Variants in UBR3 observed in about 807,000 individuals in gnomAD.
UBR3 encodes E3 ubiquitin-protein ligase UBR3.
UBR3 carries 85 observed loss-of-function variants against 243.2 expected under a neutral mutation model. That is an observed-to-expected ratio of 0.35 (90% CI 0.29 to 0.42). The LOEUF is 0.42. Ranked by LOEUF, UBR3 falls within the 10% of genes least tolerant of loss-of-function variation. UBR3 has a pLI of 1.00. For missense variants in UBR3, 1,686 were observed against 2,300.8 expected (o/e 0.73, Z 5.47); for synonymous variants, 748 against 799.8 (o/e 0.94, Z 1.09).
intron 36 of UBR3, among the ~76,000 whole-genome samples, chr2:170,076,303 C>G (rs1252458713): frequency 6.6e-6 from 1 of 152,120 alleles, no homozygotes; most frequent in Non-Finnish European, 1.5e-5. Context: ...AACTAGTGGC[C>G]CACTACTTTC....
At chr2:170,054,125 T>C (rs1408091684) in intron 32 of UBR3, among the ~76,000 whole-genome samples, 1 of 152,122 alleles carries the variant, frequency 6.6e-6, no homozygotes, top group Non-Finnish European at 1.5e-5. Flanking sequence ...AAGTTTTTTA[T>C]TTTTATTTTT....
At chr2:169,841,760 T>C (rs947496357) in intron 1 of UBR3, among the ~76,000 whole-genome samples, 1 of 152,234 alleles carries the variant, frequency 6.6e-6, no homozygotes, top group African/African-American at 2.4e-5. Flanking sequence ...GGGCCTTGGC[T>C]GCCTTCCCGC....
At chr2:169,942,305 C>T (rs2086624794) in intron 19 of UBR3, among the ~76,000 whole-genome samples, 188 bp from the exon 20 acceptor site, 2 of 151,984 alleles carry the variant, frequency 1.3e-5, no homozygotes, top group African/African-American at 4.8e-5. Flanking sequence ...TCATCTTTAG[C>T]CATTAGGAAA....
intron 8 of UBR3, 83 bp downstream of exon 8, chr2:169,896,818 A>C (rs2084610033): frequency 1.1e-6 from 1 of 907,302 alleles, no homozygotes; most frequent in Non-Finnish European, 1.6e-6. Flanking sequence ...ATACTTAGTA[A>C]TATTACTAAT....
chr2:169,954,353 G>A (rs939776420), intron 23 of UBR3, among the ~76,000 whole-genome samples: 2 of 151,836 alleles, frequency 1.3e-5, no homozygotes, highest in Admixed American at 6.6e-5. Context: ...TGATTCTCCC[G>A]CCTCAGCCTC....
chr2:170,007,084 C>T lies in UBR3; in HGVS notation c.4124C>T (p.Pro1375Leu), dbSNP rs746859738. Residue 1375 changes from proline (P) to leucine (L), a missense_variant, in exon 28 of 39, where the codon CCT becomes CTT. Physicochemically the swap from Pro to Leu is moderately conservative, Grantham distance 98. This residue lies in a region of UBR3 where 156 missense variants were observed against 246.3 expected (regional missense o/e 0.63). Transcript: ENST00000272793. ...QFANSVLPCY[P>L]GSNVENNPWQ... is the part of the protein sequence containing the mutation. ...GCTAACAGTGTTCTTCCATGTTATCCTGGAAGCAATGTGGAAAATAACCCT... is the reference window on the plus strand; with the variant it reads ...GCTAACAGTGTTCTTCCATGTTATCTTGGAAGCAATGTGGAAAATAACCCT... The T allele has an allele frequency of 3.1e-6, 5 of 1,613,484 alleles. No individual in the cohort carries two copies. Among genetic ancestry groups the T allele is most frequent in the Non-Finnish European group, 4.2e-6 (5 of 1,179,918 alleles).
intron 18 of UBR3, among the ~76,000 whole-genome samples, chr2:169,932,114 G>T (rs1208098054): frequency 1.3e-5 from 2 of 149,642 alleles, no homozygotes; most frequent in Non-Finnish European, 3.0e-5. Context: ...GTCTCACTCT[G>T]TTGCCCAGGC....
intron 11 of UBR3, among the ~76,000 whole-genome samples, chr2:169,921,293 T>C (rs2085687274): frequency 6.6e-6 from 1 of 152,124 alleles, no homozygotes. Flanking sequence ...GAGTGAGATT[T>C]CCACTGAGAT....
intron 1 of UBR3, among the ~76,000 whole-genome samples, chr2:169,833,038 C>G (rs1329603910): frequency 6.6e-6 from 1 of 152,146 alleles, no homozygotes; most frequent in Non-Finnish European, 1.5e-5. Flanking sequence ...ACATAGGAGA[C>G]TGGTTCCAGA....
chr2:169,942,712 TA>T (rs1485112043), intron 20 of UBR3, 78 bp downstream of exon 20: 1 of 1,320,738 alleles, frequency 7.6e-7, no homozygotes, highest in Non-Finnish European at 9.8e-7. Flanking sequence ...AATATTTACA[TA>T]AAAGTACCAC....
chr2:169,932,005 A>C (rs1435473831), intron 18 of UBR3, among the ~76,000 whole-genome samples: 3 of 152,156 alleles, frequency 2.0e-5, no homozygotes, highest in Non-Finnish European at 4.4e-5. Context: ...AGTTTTAGCA[A>C]AGGAGCAGAA....
intron 33 of UBR3, among the ~76,000 whole-genome samples, chr2:170,059,386 CT>C (rs2091409633): frequency 6.6e-6 from 1 of 152,070 alleles, no homozygotes; most frequent in Admixed American, 6.6e-5. Context: ...ATTTAGGAAG[CT>C]TTTAGACTGA....
At chr2:169,927,489 A>G (rs2085951659) in intron 17 of UBR3, 84 bp downstream of exon 17, 1 of 1,116,740 alleles carries the variant, frequency 9.0e-7, no homozygotes, top group Non-Finnish European at 1.2e-6. Context: ...CAATTTTTTG[A>G]TTAATTTTTT....
At chr2:170,057,565 C>A (rs2091361622) in intron 33 of UBR3, among the ~76,000 whole-genome samples, 1 of 152,118 alleles carries the variant, frequency 6.6e-6, no homozygotes, top group South Asian at 2.1e-4. Flanking sequence ...GCTGTCTAAT[C>A]ATGAAAAATA....
chr2:169,848,932 C>T (rs1190528521), intron 1 of UBR3, among the ~76,000 whole-genome samples: 1 of 152,106 alleles, frequency 6.6e-6, no homozygotes, highest in Non-Finnish European at 1.5e-5. Context: ...TGGTAAACAA[C>T]CTTTAACCCA....
chr2:170,063,361 A>G (rs1450476371), intron 35 of UBR3, among the ~76,000 whole-genome samples: 3 of 152,130 alleles, frequency 2.0e-5, no homozygotes, highest in Non-Finnish European at 4.4e-5. Context: ...GGATAGTTGG[A>G]CCCTTTAGGC....
intron 26 of UBR3, among the ~76,000 whole-genome samples, chr2:169,998,939 T>C (rs1382871441): frequency 1.3e-5 from 2 of 152,092 alleles, no homozygotes; most frequent in African/African-American, 4.8e-5. Flanking sequence ...CTTTATGAGG[T>C]TTTAGTAATT....
rs537451008 is a variant in UBR3, at chr2:169,888,201, C to T, written c.1039-2964C>T. On this transcript the variant is annotated intron_variant, in intron 5 of 38. Transcript: ENST00000272793. ...TCGCCCAGGCTGGAGTGCAGTGGCACGATCTCGGCTCACTGCAACCTCCGC... is the reference window on the plus strand; with the variant it reads ...TCGCCCAGGCTGGAGTGCAGTGGCATGATCTCGGCTCACTGCAACCTCCGC... Among the ~76,000 whole-genome samples the T allele has an allele frequency of 3.7e-4, 56 of 151,160 alleles. No individual in the cohort carries two copies. In the Middle Eastern group the frequency reaches 0.014, roughly 37 times the overall value.
chr2:170,032,580 C>CTTTTTTTT (rs6147023), intron 31 of UBR3, among the ~76,000 whole-genome samples: 1 of 20,438 alleles, frequency 4.9e-5, no homozygotes, highest in African/African-American at 2.1e-4. Context: ...ATGACATTCA[C>CTTTTTTTT]TTTTTTTTTT....
Sources: allele counts gnomAD v4.1 joint callset (sites outside exome capture counted in the v4.1 genomes callset), GRCh38; gene constraint gnomAD v4.1.1; regional missense constraint gnomAD v4.1.1; transcripts MANE v1.5; gene names NCBI Gene and HGNC (gene_info 2026-07-23, HGNC 2026-07-21).